The following DLC1 variants were observed in gnomAD, a reference collection of about 807,000 sequenced individuals.
The protein encoded by DLC1 is rho GTPase-activating protein 7.
In DLC1, 54 loss-of-function variants were observed where a neutral mutation model predicts 140.3. That is an observed-to-expected ratio of 0.38 (90% CI 0.31 to 0.48). DLC1 has a LOEUF of 0.48. DLC1 is among the 20% of genes least tolerant of loss of function. DLC1 has a pLI of 0.96. For synonymous variants in DLC1, 986 were observed against 728.1 expected, an observed-to-expected ratio of 1.35 and a Z score of -5.70; for missense variants, 2,536 against 1,907.0, an observed-to-expected ratio of 1.33 and a Z score of -6.14.
intron 5 of DLC1, among the ~76,000 whole-genome samples, chr8:13,199,710 T>A (rs1827272517): frequency 6.6e-6 from 1 of 152,198 alleles, no homozygotes; most frequent in Non-Finnish European, 1.5e-5. Flanking sequence ...TATTTCTATG[T>A]ATTTATGGAT....
At chr8:13,445,936 A>T (rs1483654836) in intron 2 of DLC1, among the ~76,000 whole-genome samples, 3 of 152,088 alleles carry the variant, frequency 2.0e-5, no homozygotes, top group East Asian at 1.9e-4. Context: ...TAAGGAAAAA[A>T]CTTCGATAAC....
chr8:13,084,917 A>G lies in DLC1; in HGVS notation c.*894T>C, dbSNP rs144532497. 3.3e-4 allele frequency: 50 copies of G among 152,394 alleles called. No homozygotes were observed. Among genetic ancestry groups the G allele is most frequent in the African/African-American group, 1.2e-3 (49 of 41,592 alleles). The allele number at this position is 152,394 out of a possible 1,614,324, so 9.4% of individuals were successfully genotyped here. A position where few individuals can be genotyped will look rare whatever the true frequency, so the allele number is the denominator to read the frequency against. On this transcript the variant is annotated 3_prime_UTR_variant, in exon 18 of 18. Coordinates refer to ENST00000276297, the MANE Select transcript of DLC1 (RefSeq NM_182643.3). Reference sequence around the variant, plus strand: ...GATGCTTGATTTAAGAGTAAGTGTTATCGTGTTCAGTTTTTATATCTCGAC... The same window carrying G: ...GATGCTTGATTTAAGAGTAAGTGTTGTCGTGTTCAGTTTTTATATCTCGAC...
In DLC1 at chr8:13,509,075, T is replaced by C. The variant is rs533543023; in HGVS notation, c.-126+5527A>G. On this transcript the variant is annotated intron_variant, in intron 1 of 17. Transcript: ENST00000276297. ...ATGGCAAAGCAGTATGATTGAAATG[T>C]GGTTTGCTGTATTATAAAAAGATAT... Among the ~76,000 whole-genome samples, 15 of 152,334 alleles carry C rather than the reference T, an allele frequency of 9.8e-5. No individual in the cohort carries two copies. The South Asian group carries it at 3.1e-3, about 32-fold the overall frequency.
intron 4 of DLC1, among the ~76,000 whole-genome samples, chr8:13,325,546 C>T (rs1247306814): frequency 6.6e-6 from 1 of 152,118 alleles, no homozygotes; most frequent in African/African-American, 2.4e-5. Context: ...TGGGTAGTTT[C>T]TGAAGCCTGA....
intron 1 of DLC1, among the ~76,000 whole-genome samples, chr8:13,564,448 G>C (rs1804358330): frequency 6.6e-6 from 1 of 152,152 alleles, no homozygotes. Flanking sequence ...CGTTACTTGA[G>C]AAGTTGATGT....
chr8:13,264,965 C>T (rs894343766), intron 5 of DLC1, among the ~76,000 whole-genome samples: 4 of 152,184 alleles, frequency 2.6e-5, no homozygotes, highest in Admixed American at 2.0e-4. Context: ...TTAGTACATA[C>T]TTCAGTCTTC....
At chr8:13,400,146 T>C (rs1837229984) in intron 3 of DLC1, among the ~76,000 whole-genome samples, 1 of 152,194 alleles carries the variant, frequency 6.6e-6, no homozygotes, top group Non-Finnish European at 1.5e-5. Context: ...TAGAATATCA[T>C]AAAGATCAAA....
chr8:13,556,069 T>C (rs750552321), intron 1 of DLC1, among the ~76,000 whole-genome samples: 1 of 152,006 alleles, frequency 6.6e-6, no homozygotes, highest in Non-Finnish European at 1.5e-5. Flanking sequence ...AGGAGTAAGT[T>C]AATGGTGTGA....
rs17094477 is a variant in DLC1, at chr8:13,527,926, G to A, written c.-125-27730C>T. On this transcript the variant is annotated intron_variant, in intron 1 of 1. Coordinates refer to the DLC1 transcript ENST00000631382. ...ACTTTAAGCATTATCCAGTTTTAAC[G>A]CTATAAACCAGTAGGATAATCATTT... 7.9e-3 allele frequency among the ~76,000 whole-genome samples: 1,201 copies of A among 152,114 alleles called. 22 individuals are homozygous for A. The highest frequency in any genetic ancestry group is 0.026 in the African/African-American group (1,084 of 41,534).
chr8:13,345,547 C>CTTTTTTTTTTTTTTTTTTTTTT lies in DLC1; in HGVS notation c.1315-40267_1315-40246dup, dbSNP rs535092622. 4.6e-4 allele frequency among the ~76,000 whole-genome samples: 31 copies of CTTTTTTTTTTTTTTTTTTTTTT among 67,514 alleles called. 3 individuals are homozygous for CTTTTTTTTTTTTTTTTTTTTTT. Among genetic ancestry groups the CTTTTTTTTTTTTTTTTTTTTTT allele is most frequent in the Non-Finnish European group, 5.9e-4 (23 of 38,918 alleles). The allele number at this position is 67,514 out of a possible 152,430, so 44.3% of individuals were successfully genotyped here. A position where few individuals can be genotyped will look rare whatever the true frequency, so the allele number is the denominator to read the frequency against. ...GATTATCTGAAATTTTTCACTCACA[C>CTTTTTTTTTTTTTTTTTTTTTT]TTTTTTTTTTTTTTTTTTTTTTTGG... On this transcript the variant is annotated intron_variant, in intron 4 of 17. Coordinates refer to ENST00000276297, the MANE Select transcript of DLC1 (RefSeq NM_182643.3).
At position 13,343,072 on chromosome 8, in the gene DLC1, A is replaced by G. The variant is rs187091975; in HGVS notation, c.1315-37770T>C. Among the ~76,000 whole-genome samples, 8 of 152,298 alleles carry G rather than the reference A, an allele frequency of 5.3e-5. No homozygotes were observed. The East Asian group carries it at 1.5e-3, about 29-fold the overall frequency. On this transcript the variant is annotated intron_variant, in intron 4 of 17. Coordinates refer to ENST00000276297, the MANE Select transcript of DLC1 (RefSeq NM_182643.3). Reference sequence around the variant, plus strand: ...CCTTTACTTATTGAAAAGCAGAGATACTTATTTGCTATATACTGCTGATAT... The same window carrying G: ...CCTTTACTTATTGAAAAGCAGAGATGCTTATTTGCTATATACTGCTGATAT...
At position 13,267,957 on chromosome 8, in the gene DLC1, A is replaced by G. The variant is rs527787904; in HGVS notation, c.1348+37312T>C. On this transcript the variant is annotated intron_variant, in intron 5 of 17. Coordinates refer to ENST00000276297, the MANE Select transcript of DLC1 (RefSeq NM_182643.3). ...GTCTAGAAGTTGATAATTTGTTTTT[A>G]TTAAGAGTGTTTCTGTTGTTGGCTG... Among the ~76,000 whole-genome samples the G allele has an allele frequency of 3.9e-4, 59 of 152,282 alleles. 2 individuals carry two copies. In the South Asian group the frequency reaches 0.012, roughly 30 times the overall value.
intron 5 of DLC1, among the ~76,000 whole-genome samples, chr8:13,299,404 T>G (rs1266171594): frequency 2.0e-5 from 3 of 148,970 alleles, no homozygotes; most frequent in Non-Finnish European, 4.4e-5. Context: ...GTCGAGACCG[T>G]GTCATTGCAC....
At chr8:13,343,451 T>C (rs956147387) in intron 4 of DLC1, among the ~76,000 whole-genome samples, 1 of 152,180 alleles carries the variant, frequency 6.6e-6, no homozygotes, top group Non-Finnish European at 1.5e-5. Context: ...CACTGGGAGC[T>C]AATGTGCTGA....
intron 3 of DLC1, among the ~76,000 whole-genome samples, chr8:13,397,966 A>C (rs289570): frequency 3.3e-5 from 5 of 151,732 alleles, no homozygotes; most frequent in Non-Finnish European, 7.4e-5. Flanking sequence ...CCCTGTCTCT[A>C]CTGAAAATTC....
At chr8:13,365,758 AG>A (rs1186926581) in intron 4 of DLC1, among the ~76,000 whole-genome samples, 4 of 152,138 alleles carry the variant, frequency 2.6e-5, no homozygotes, top group Admixed American at 1.3e-4. Context: ...ACCGAGGAAT[AG>A]GGTTGTTATT....
At chr8:13,523,102 T>C (rs1405677655) in intron 1 of DLC1, among the ~76,000 whole-genome samples, 3 of 152,164 alleles carry the variant, frequency 2.0e-5, no homozygotes, top group African/African-American at 7.2e-5. Flanking sequence ...AAGATTTTGA[T>C]CAGAGATGTG....
At chr8:13,538,752 T>C (rs1304940004) in intron 1 of DLC1, among the ~76,000 whole-genome samples, 3 of 152,150 alleles carry the variant, frequency 2.0e-5, no homozygotes, top group Non-Finnish European at 4.4e-5. Flanking sequence ...TAATAAGTGG[T>C]AGAAGCAGAT....
intron 1 of DLC1, among the ~76,000 whole-genome samples, chr8:13,547,538 T>A (rs1803694863): frequency 6.6e-6 from 1 of 152,108 alleles, no homozygotes; most frequent in Non-Finnish European, 1.5e-5. Flanking sequence ...TTGTTCTCTG[T>A]CCTCAAACAA....
Sources: allele counts gnomAD v4.1 joint callset (sites outside exome capture counted in the v4.1 genomes callset), GRCh38; gene constraint gnomAD v4.1.1; transcripts MANE v1.5; gene names NCBI Gene and HGNC (gene_info 2026-07-23, HGNC 2026-07-21).